Variants in ATP2B1 observed in about 807,000 individuals in gnomAD.
ATP2B1 encodes the protein ATPase plasma membrane Ca2+ transporting 1.
In ATP2B1, 14 loss-of-function variants were observed where a neutral mutation model predicts 124.2. The observed-to-expected ratio is 0.11, with a 90% CI of 0.07 to 0.18. The LOEUF is 0.18. ATP2B1 is among the 10% of genes least tolerant of loss of function. The pLI is 1.00. For synonymous variants in ATP2B1, 449 were observed against 492.4 expected, an observed-to-expected ratio of 0.91 and a Z score of 1.17; for missense variants, 763 against 1,466.1, an observed-to-expected ratio of 0.52 and a Z score of 7.83.
intron 1 of ATP2B1, among the ~76,000 whole-genome samples, chr12:89,690,879 C>CT (rs1890482374): frequency 6.6e-6 from 1 of 152,084 alleles, no homozygotes; most frequent in East Asian, 1.9e-4. Context: ...TTAAATCTGG[C>CT]TTTTTTGCAG....
intron 2 of ATP2B1, among the ~76,000 whole-genome samples, chr12:89,651,741 C>T (rs1353415908): frequency 6.6e-6 from 1 of 152,074 alleles, no homozygotes; most frequent in Non-Finnish European, 1.5e-5. Flanking sequence ...GTGAACTGAA[C>T]TTTTGTAACA....
At chr12:89,598,327 TC>T (rs1160062161) in intron 20 of ATP2B1, among the ~76,000 whole-genome samples, 1 of 152,170 alleles carries the variant, frequency 6.6e-6, no homozygotes, top group East Asian at 1.9e-4. Context: ...ACAATTTTAT[TC>T]CCCATATTAA....
In ATP2B1 at chr12:89,687,536, G is replaced by A. The variant is rs150201632; in HGVS notation, c.-222+21060C>T. ...TTTGCTATCTAGGTGGGTGGAGGTG[G>A]GGTGGTCCTGGAATTAATCCCCCAT... On this transcript the variant is annotated intron_variant, in intron 1 of 20. Transcript: ENST00000428670. Among the ~76,000 whole-genome samples, 83 of 152,116 alleles carry A rather than the reference G, an allele frequency of 5.5e-4. 1 individual carries two copies. The highest frequency in any genetic ancestry group is 5.8e-4 in the East Asian group (3 of 5,170).
At chr12:89,645,749 A>G (rs1005712275) in intron 2 of ATP2B1, among the ~76,000 whole-genome samples, 3 of 152,268 alleles carry the variant, frequency 2.0e-5, no homozygotes, top group African/African-American at 7.2e-5. Flanking sequence ...TCAAAATGGA[A>G]AAAGTGGCCA....
At chr12:89,701,953 C>T (rs572538443) in intron 1 of ATP2B1, among the ~76,000 whole-genome samples, 15 of 152,308 alleles carry the variant, frequency 9.8e-5, no homozygotes, top group African/African-American at 3.6e-4. Flanking sequence ...GTCAGCAATA[C>T]TACAGTATGC....
At chr12:89,690,714 A>G (rs775941642) in intron 1 of ATP2B1, among the ~76,000 whole-genome samples, 1 of 152,056 alleles carries the variant, frequency 6.6e-6, no homozygotes, top group Admixed American at 6.6e-5. Context: ...CCCTGCTATC[A>G]CTGGAAATAC....
chr12:89,602,547 C>T (rs1876064028), intron 18 of ATP2B1, among the ~76,000 whole-genome samples: 1 of 151,524 alleles, frequency 6.6e-6, no homozygotes, highest in Non-Finnish European at 1.5e-5. Flanking sequence ...TGTTAGTAGC[C>T]CAATTAGATT....
intron 3 of ATP2B1, among the ~76,000 whole-genome samples, chr12:89,641,198 A>C (rs1322641325): frequency 6.6e-6 from 1 of 152,216 alleles, no homozygotes; most frequent in Non-Finnish European, 1.5e-5. Flanking sequence ...CAGAACTATT[A>C]ATTTTAAACA....
chr12:89,601,536 C>T lies in ATP2B1; in HGVS notation c.3061-103G>A, dbSNP rs375545786. 2.3e-5 allele frequency: 15 copies of T among 638,898 alleles called. 1 individual carries two copies. The South Asian group carries it at 3.8e-4, about 16-fold the overall frequency. 39.6% of individuals were successfully genotyped at this position (638,898 alleles called of 1,614,324 possible). ...TGTCCTCTAAAACAAGGTGAACAAC[C>T]ACTATTCTGATGAATTGTATTATAT... is the stretch of plus-strand genomic sequence containing the variant. On this transcript the variant is annotated intron_variant, in intron 18 of 20. Transcript: ENST00000428670.
rs575636800 is a variant in ATP2B1, at chr12:89,591,034, T to C, written c.3613A>G (p.Thr1205Ala). Residue 1205 changes from threonine to alanine, a missense_variant, in exon 21 of 21, where the codon ACC (threonine) becomes GCC (alanine). Around this residue, in one of 7 missense-constraint regions of ATP2B1, gnomAD observed 97 missense variants for 94.7 expected, o/e 1.02. Transcript: ENST00000428670. ...HLTIEMNKSA[T>A]SSSPGSPLHS... Reference sequence around the variant, plus strand: ...AGTGGGCTTCCTGGGGATGAAGAGGTAGCAGACTTGTTCATTTCTATTGTA... The same window carrying C: ...AGTGGGCTTCCTGGGGATGAAGAGGCAGCAGACTTGTTCATTTCTATTGTA... The C allele has an allele frequency of 6.2e-7, 1 of 1,613,104 alleles. No homozygotes were observed. Among genetic ancestry groups the C allele is most frequent in the Non-Finnish European group, 8.5e-7 (1 of 1,179,304 alleles).
chr12:89,600,605 T>C (rs1479992387), intron 19 of ATP2B1, among the ~76,000 whole-genome samples: 1 of 152,104 alleles, frequency 6.6e-6, no homozygotes, highest in African/African-American at 2.4e-5. Context: ...CAGTTTTTCC[T>C]ATGCTGCATA....
At chr12:89,653,933 G>C (rs1885627037) in intron 2 of ATP2B1, among the ~76,000 whole-genome samples, 2 of 152,318 alleles carry the variant, frequency 1.3e-5, no homozygotes, top group African/African-American at 4.8e-5. Flanking sequence ...GGGAAGTACA[G>C]TTGAGTGAAG....
At chr12:89,612,226 T>C (rs993685344) in intron 12 of ATP2B1, 2 of 152,174 alleles carry the variant, frequency 1.3e-5, no homozygotes, top group African/African-American at 4.8e-5. Context: ...TATACGATGA[T>C]TCCTCAGCTG....
At chr12:89,685,310 G>GT (rs1414545459) in intron 1 of ATP2B1, among the ~76,000 whole-genome samples, 2 of 152,102 alleles carry the variant, frequency 1.3e-5, no homozygotes, top group African/African-American at 2.4e-5. Flanking sequence ...ATTGGGAAAC[G>GT]TAACTATGGG....
At chr12:89,601,996 G>A (rs760160022) in intron 18 of ATP2B1, among the ~76,000 whole-genome samples, 2 of 152,164 alleles carry the variant, frequency 1.3e-5, no homozygotes, top group Non-Finnish European at 2.9e-5. Context: ...ATGAAATATG[G>A]GCTAACTCAG....
chr12:89,624,543 A>C (rs538162451), intron 8 of ATP2B1, 146 bp from the exon 9 acceptor site: 1 of 728,374 alleles, frequency 1.4e-6, no homozygotes, highest in Non-Finnish European at 2.2e-6. Context: ...CTTGCACCTT[A>C]TAACTTGACA....
intron 1 of ATP2B1, among the ~76,000 whole-genome samples, chr12:89,661,740 G>A (rs1382020045): frequency 6.6e-6 from 1 of 152,100 alleles, no homozygotes; most frequent in East Asian, 1.9e-4. Flanking sequence ...TTCATTGTGT[G>A]TTTTTTTCTT....
intron 1 of ATP2B1, among the ~76,000 whole-genome samples, chr12:89,668,192 G>C (rs1284567925): frequency 2.0e-5 from 3 of 152,146 alleles, no homozygotes; most frequent in Non-Finnish European, 4.4e-5. Flanking sequence ...TACCTCCGGA[G>C]GTTTTCTTAA....
intron 12 of ATP2B1, chr12:89,611,824 T>G (rs1337833474): frequency 6.5e-6 from 1 of 152,870 alleles, no homozygotes; most frequent in Non-Finnish European, 1.5e-5. Flanking sequence ...ACCTTCAATT[T>G]CCATCTAATT....
Sources: gnomAD v4.1 joint callset for allele counts (sites outside exome capture counted in the v4.1 genomes callset) on GRCh38, gnomAD v4.1.1 for gene constraint, gnomAD v4.1.1 regional missense constraint, MANE v1.5 for transcripts, NCBI Gene and HGNC (gene_info 2026-07-23, HGNC 2026-07-21) for gene names.